The following TMC7 variants were observed in gnomAD, a reference collection of about 807,000 sequenced individuals.
The protein encoded by TMC7 is transmembrane channel-like protein 7.
Under a neutral mutation model 82.9 loss-of-function variants are expected in TMC7, and 54 were observed. The ratio of observed to expected loss-of-function variants is 0.65; its 90% confidence interval spans 0.52 to 0.82. The LOEUF (loss-of-function observed/expected upper bound fraction) is 0.82. TMC7 is among the 40% of genes least tolerant of loss of function. The probability of loss-of-function intolerance (pLI) is 0.00; values close to 1 mark genes in which losing one functional copy is unlikely to be tolerated. For synonymous variants in TMC7, 350 were observed against 337.9 expected (o/e 1.04, Z -0.39); for missense variants, 820 against 901.2 (o/e 0.91, Z 1.15).
chr16:19,005,680 A>C (rs1476867357), intron 1 of TMC7, among the ~76,000 whole-genome samples: 1 of 152,142 alleles, frequency 6.6e-6, no homozygotes, highest in Non-Finnish European at 1.5e-5. Flanking sequence ...ATGCTGTTCT[A>C]TATTCAAAGA....
chr16:19,017,300 C>A (rs931539282), intron 3 of TMC7, among the ~76,000 whole-genome samples: 17 of 149,856 alleles, frequency 1.1e-4, no homozygotes, highest in Admixed American at 4.0e-4. Context: ...AAATGAAATG[C>A]ATGAATAGTA....
intron 2 of TMC7, 95 bp downstream of exon 2, chr16:19,009,510 A>G: frequency 1.4e-6 from 2 of 1,463,762 alleles, no homozygotes; most frequent in South Asian, 1.4e-5. Flanking sequence ...AGCTCATATA[A>G]TTAAAATTTT....
chr16:19,046,597 G>T (rs1961282256), intron 11 of TMC7, among the ~76,000 whole-genome samples: 1 of 152,092 alleles, frequency 6.6e-6, no homozygotes, highest in Non-Finnish European at 1.5e-5. Context: ...GCACTGGGGA[G>T]GCCAAGGTAG....
At chr16:19,048,784 AGT>A (rs1323325569) in intron 12 of TMC7, among the ~76,000 whole-genome samples, 1 of 152,210 alleles carries the variant, frequency 6.6e-6, no homozygotes, top group Non-Finnish European at 1.5e-5. Flanking sequence ...ATATGTATAC[AGT>A]AATTTCTGTC....
chr16:19,051,547 T>G, intron 12 of TMC7, 139 bp from the exon 13 acceptor site: 1 of 946,132 alleles, frequency 1.1e-6, no homozygotes, highest in Non-Finnish European at 1.5e-6. Context: ...ACCTTTTTCA[T>G]TTTGATCTGT....
At chr16:19,030,167 TCTGGTTC>T (rs1483424866) in intron 5 of TMC7, 50 bp from the exon 6 acceptor site, 2 of 1,557,564 alleles carry the variant, frequency 1.3e-6, no homozygotes, top group African/African-American at 2.7e-5. Context: ...GGACTACTCT[TCTGGTTC>T]CCTGCAGTAA....
intron 2 of TMC7, among the ~76,000 whole-genome samples, chr16:19,012,516 C>T (rs1959416170): frequency 1.3e-5 from 2 of 151,982 alleles, no homozygotes; most frequent in East Asian, 2.0e-4. Flanking sequence ...AGGCTGGGTG[C>T]GGTGGCTCAT....
chr16:19,056,706 G>GA lies in TMC7; in HGVS notation c.2027+11dup, dbSNP rs756742643. 1.2e-6 allele frequency: 2 copies of GA among 1,613,064 alleles called. No homozygotes were observed. The highest frequency in any genetic ancestry group is 1.7e-6 in the Non-Finnish European group (2 of 1,179,400). On this transcript the variant is annotated intron_variant, in intron 14 of 15. Transcript: ENST00000304381. ...TTCTTCATGATTATTTGGTGAGTGA[G>GA]AACCACCAGGACCCACTGAGGCACG...
intron 1 of TMC7, among the ~76,000 whole-genome samples, chr16:18,990,611 T>A (rs1398509780): frequency 1.3e-5 from 2 of 152,060 alleles, no homozygotes; most frequent in Non-Finnish European, 2.9e-5. Flanking sequence ...GTGGGCTGAG[T>A]CCGAAAAAGG....
chr16:18,993,048 T>C (rs1202910252), intron 1 of TMC7, among the ~76,000 whole-genome samples: 1 of 152,216 alleles, frequency 6.6e-6, no homozygotes, highest in Non-Finnish European at 1.5e-5. Context: ...TCCAGCTTTG[T>C]TCTTTTGAAA....
intron 12 of TMC7, among the ~76,000 whole-genome samples, chr16:19,048,174 C>T (rs1961373783): frequency 6.7e-6 from 1 of 149,602 alleles, no homozygotes; most frequent in African/African-American, 2.5e-5. Flanking sequence ...GGAGGTCTTG[C>T]CATGTTGTCC....
At chr16:19,049,638 G>T in intron 12 of TMC7, 1 of 985,380 alleles carries the variant, frequency 1.0e-6, no homozygotes, top group Non-Finnish European at 1.2e-6. Flanking sequence ...TGGCTTCGCA[G>T]TGTGTAGCAT....
intron 4 of TMC7, 27 bp from the exon 5 acceptor site, chr16:19,023,086 T>C: frequency 6.8e-7 from 1 of 1,479,226 alleles, no homozygotes; most frequent in East Asian, 2.3e-5. Context: ...CTGTTTCCAC[T>C]GACATTCTGG....
chr16:19,004,075 A>G (rs1486741320), intron 1 of TMC7, among the ~76,000 whole-genome samples: 3 of 151,676 alleles, frequency 2.0e-5, no homozygotes. Flanking sequence ...GGGCAAGTGA[A>G]GCCCTCTGTG....
chr16:19,057,904 A>G (rs748429417), intron 14 of TMC7, among the ~76,000 whole-genome samples: 2 of 149,706 alleles, frequency 1.3e-5, no homozygotes, highest in African/African-American at 2.5e-5. Context: ...AACCACCCCC[A>G]TTTCAGATCT....
At chr16:19,006,056 T>C (rs2039234280) in intron 1 of TMC7, among the ~76,000 whole-genome samples, 2 of 152,178 alleles carry the variant, frequency 1.3e-5, no homozygotes, top group South Asian at 4.1e-4. Context: ...CCCCTGCCCA[T>C]CCTCATCCGG....
At chr16:19,014,131 G>T (rs970218972) in intron 2 of TMC7, among the ~76,000 whole-genome samples, 2 of 152,072 alleles carry the variant, frequency 1.3e-5, no homozygotes, top group Admixed American at 1.3e-4. Context: ...CTCCCAAAGT[G>T]CTGGGATTAC....
chr16:19,048,498 G>A (rs1311335562), intron 12 of TMC7, among the ~76,000 whole-genome samples: 1 of 151,806 alleles, frequency 6.6e-6, no homozygotes, highest in Non-Finnish European at 1.5e-5. Context: ...CTTGACTCAC[G>A]GCAACCTCCA....
At chr16:18,993,570 C>A (rs1338500764) in intron 1 of TMC7, among the ~76,000 whole-genome samples, 1 of 152,170 alleles carries the variant, frequency 6.6e-6, no homozygotes, top group African/African-American at 2.4e-5. Context: ...CTTTAACTAC[C>A]TTATCAGCAT....
Sources: gnomAD v4.1 joint callset for allele counts (sites outside exome capture counted in the v4.1 genomes callset) on GRCh38, gnomAD v4.1.1 for gene constraint, MANE v1.5 for transcripts, NCBI Gene and HGNC (gene_info 2026-07-23, HGNC 2026-07-21) for gene names.